Variants in CLN3 observed in about 807,000 individuals in gnomAD.
CLN3 encodes the protein CLN3 lysosomal/endosomal transmembrane protein, battenin, also known as battenin.
A neutral mutation model predicts 60.7 loss-of-function variants in CLN3; 49 were observed. That is an observed-to-expected ratio of 0.81 (90% CI 0.64 to 1.02). CLN3 has a LOEUF of 1.02. CLN3 is among the 50% of genes least tolerant of loss of function. The pLI is 0.00. For synonymous variants in CLN3, 256 were observed against 245.8 expected (o/e 1.04, Z -0.39); for missense variants, 516 against 557.4 (o/e 0.93, Z 0.75).
At chr16:28,480,532 C>A (rs1482133985) in intron 14 of CLN3, among the ~76,000 whole-genome samples, 1 of 152,078 alleles carries the variant, frequency 6.6e-6, no homozygotes, top group Non-Finnish European at 1.5e-5. Context: ...TAGCGAGTAG[C>A]TGAGATGACA....
At chr16:28,489,695 G>A in intron 3 of CLN3, among the ~76,000 whole-genome samples, 1 of 152,070 alleles carries the variant, frequency 6.6e-6, no homozygotes, top group Non-Finnish European at 1.5e-5. Flanking sequence ...AGGCTGCAGT[G>A]AACTGTGATC....
downstream of CLN3, among the ~76,000 whole-genome samples, chr16:28,474,845 A>T (rs922286248): frequency 3.3e-5 from 5 of 152,184 alleles, no homozygotes. Context: ...CTCATGGGTA[A>T]TAATCCCAGA....
chr16:28,489,635 C>A (rs995665233), intron 3 of CLN3, among the ~76,000 whole-genome samples: 1 of 152,096 alleles, frequency 6.6e-6, no homozygotes, highest in Non-Finnish European at 1.5e-5. Context: ...ACTGTAGTCC[C>A]AGCTACTTGG....
chr16:28,478,267 T>G (rs1012314589), intron 14 of CLN3, among the ~76,000 whole-genome samples: 1 of 146,834 alleles, frequency 6.8e-6, no homozygotes, highest in Non-Finnish European at 1.5e-5. Flanking sequence ...ATCGCAGCAC[T>G]GCACTCCAGC....
downstream of CLN3, chr16:28,470,530 C>T (rs1303631330): frequency 3.7e-5 from 23 of 616,448 alleles, no homozygotes; most frequent in East Asian, 3.9e-4. Flanking sequence ...GGACCGGGGC[C>T]GGATCTGAGT....
Position 28,491,606 on chromosome 16 carries a change from C to T in CLN3, c.47-46G>A, listed in dbSNP as rs1413783378. 8.7e-6 allele frequency: 14 copies of T among 1,613,334 alleles called. No individual in the cohort carries two copies. The South Asian group carries it at 1.2e-4, about 14-fold the overall frequency. On this transcript the variant is annotated intron_variant, in intron 2 of 15. Transcript: ENST00000636147. The stretch of plus-strand genomic sequence containing the variant: ...CATGACCCCCACCTACTCTCAGGTG[C>T]ACGACCGCTCCTTGCGTGTCCTCCC...
chr16:28,476,370 G>A (rs1411357058), downstream of CLN3: 3 of 140,636 alleles, frequency 2.1e-5, no homozygotes, highest in East Asian at 2.0e-4. Flanking sequence ...TAGGAAGATC[G>A]CGTCTCTACA....
At chr16:28,483,384 G>C (rs1438699360) in intron 10 of CLN3, among the ~76,000 whole-genome samples, 1 of 151,872 alleles carries the variant, frequency 6.6e-6, no homozygotes, top group Non-Finnish European at 1.5e-5. Flanking sequence ...ACCACACCTG[G>C]CTAATTTTTT....
chr16:28,478,542 G>A (rs28692630), intron 14 of CLN3, among the ~76,000 whole-genome samples: 77 of 149,776 alleles, frequency 5.1e-4, no homozygotes, highest in East Asian at 9.9e-4. Context: ...CTTGAACCTA[G>A]GAGGTGGAGG....
chr16:28,481,563 C>T, intron 14 of CLN3, among the ~76,000 whole-genome samples: 1 of 152,054 alleles, frequency 6.6e-6, no homozygotes, highest in East Asian at 1.9e-4. Context: ...CCAATTTATA[C>T]ATGAGGAAAT....
At chr16:28,484,219 AC>A in intron 9 of CLN3, 101 bp from the exon 10 acceptor site, 1 of 815,062 alleles carries the variant, frequency 1.2e-6, no homozygotes, top group Non-Finnish European at 2.1e-6. Flanking sequence ...CTACCTTTGA[AC>A]ACTTTCAAAG....
At chr16:28,472,224 G>A (rs953372588), downstream of CLN3, among the ~76,000 whole-genome samples, 1 of 151,964 alleles carries the variant, frequency 6.6e-6, no homozygotes, top group Admixed American at 6.6e-5. Flanking sequence ...ACCAGACTGG[G>A]CAACATAGTG....
At chr16:28,482,768 C>G (rs905109647) in intron 10 of CLN3, 96 bp from the exon 11 acceptor site, 1 of 1,307,282 alleles carries the variant, frequency 7.6e-7, no homozygotes, top group African/African-American at 1.5e-5. Flanking sequence ...GACCACGCAA[C>G]AGTGGGAACT....
downstream of CLN3, among the ~76,000 whole-genome samples, chr16:28,475,038 T>A: frequency 6.6e-6 from 1 of 152,212 alleles, no homozygotes; most frequent in Non-Finnish European, 1.5e-5. Context: ...TCACTTGAGC[T>A]CTGGAGTACA....
chr16:28,477,463 C>G lies in CLN3; in HGVS notation c.*53G>C. The G allele has an allele frequency of 6.2e-7, 1 of 1,610,880 alleles. No homozygotes were observed. Among genetic ancestry groups the G allele is most frequent in the Non-Finnish European group, 8.5e-7 (1 of 1,179,720 alleles). On this transcript the variant is annotated 3_prime_UTR_variant, in exon 16 of 16. Coordinates refer to ENST00000636147, the MANE Select transcript of CLN3 (RefSeq NM_001042432.2). ...CTCTGGGGTGGGCCTGGGTGTCTGA[C>G]CTGTCCCTCTGCCCACAGGTGAATG...
chr16:28,480,102 A>G (rs1258282835), intron 14 of CLN3, among the ~76,000 whole-genome samples: 1 of 152,028 alleles, frequency 6.6e-6, no homozygotes, highest in Non-Finnish European at 1.5e-5. Flanking sequence ...CTGGGATTAC[A>G]GGTGAATGTC....
At chr16:28,477,951 G>A (rs916439215) in intron 14 of CLN3, 74 bp from the exon 15 acceptor site, 4 of 1,564,234 alleles carry the variant, frequency 2.6e-6, no homozygotes, top group African/African-American at 2.7e-5. Flanking sequence ...CCCTCCAGGG[G>A]TCCCTGGTTT....
intron 4 of CLN3, 47 bp from the exon 5 acceptor site, chr16:28,488,709 A>G: frequency 1.3e-6 from 2 of 1,580,080 alleles, no homozygotes; most frequent in Non-Finnish European, 1.7e-6. Context: ...AGAGGGATAG[A>G]CACACAGAGC....
chr16:28,477,950 G>T (rs1596620007), intron 14 of CLN3, 73 bp from the exon 15 acceptor site: 1 of 1,568,138 alleles, frequency 6.4e-7, no homozygotes, highest in East Asian at 2.3e-5. Flanking sequence ...CCCCTCCAGG[G>T]GTCCCTGGTT....
Sources: allele counts gnomAD v4.1 joint callset (sites outside exome capture counted in the v4.1 genomes callset), GRCh38; gene constraint gnomAD v4.1.1; transcripts MANE v1.5; gene names NCBI Gene and HGNC (gene_info 2026-07-23, HGNC 2026-07-21).